The following BRI3 variants were observed in gnomAD, a reference collection of about 807,000 sequenced individuals.
The protein encoded by BRI3 is membrane protein BRI3.
In BRI3, 6 loss-of-function variants were observed where a neutral mutation model predicts 12.8. The observed-to-expected ratio is 0.47, with a 90% confidence interval of 0.26 to 0.93. The LOEUF (loss-of-function observed/expected upper bound fraction) is 0.93, where lower values mean the gene tolerates loss of function less well. BRI3 is among the 40% of genes least tolerant of loss of function. The pLI, the probability that BRI3 is intolerant of heterozygous loss-of-function variation, is 0.15. For synonymous variants in BRI3, 91 were observed against 76.1 expected, an observed-to-expected ratio of 1.20 and a Z score of -1.02; for missense variants, 134 against 171.1, an observed-to-expected ratio of 0.78 and a Z score of 1.21.
chr7:98,307,376 G>T, intron 1 of BRI3: 1 of 1,177,632 alleles, frequency 8.5e-7, no homozygotes, highest in Non-Finnish European at 1.1e-6. Flanking sequence ...AAAGTGCTGG[G>T]ATTACAAGCA....
chr7:98,298,779 T>C (rs1388038253), intron 1 of BRI3, among the ~76,000 whole-genome samples: 1 of 152,112 alleles, frequency 6.6e-6, no homozygotes, highest in East Asian at 1.9e-4. Context: ...CTGAGACACA[T>C]AATTCCAGGA....
chr7:98,308,091 C>A lies in BRI3; in HGVS notation n.721C>A, dbSNP rs763343561. On this transcript the variant is annotated non_coding_transcript_exon_variant, in exon 2 of 2. Coordinates refer to the BRI3 transcript ENST00000485422. ...AGGGACTGTTGAGAAACAGAGGCAG[C>A]GTGCAGCCTGAAGGCATGCACCGTG... 7.2e-6 allele frequency: 5 copies of A among 697,448 alleles called. No homozygotes were observed. The African/African-American group carries it at 8.8e-5, about 12-fold the overall frequency. 43.2% of individuals were successfully genotyped at this position (697,448 alleles called of 1,614,324 possible).
chr7:98,313,982 CTTTTTT>C (rs35599338), downstream of BRI3, among the ~76,000 whole-genome samples: 21 of 100,940 alleles, frequency 2.1e-4, no homozygotes, highest in Non-Finnish European at 3.7e-4. Flanking sequence ...CTTTTTCTTC[CTTTTTT>C]TTTTTTTTTT....
downstream of BRI3, among the ~76,000 whole-genome samples, chr7:98,294,957 T>A (rs549710698): frequency 9.5e-4 from 145 of 152,208 alleles, no homozygotes; most frequent in African/African-American, 3.1e-3. Flanking sequence ...GGTTTAACAC[T>A]CTTTCCTGCC....
exon 2 of BRI3, chr7:98,308,341 T>C (rs768018807): frequency 1.3e-5 from 6 of 455,342 alleles, no homozygotes; most frequent in Non-Finnish European, 2.2e-5. Flanking sequence ...GGAAATGCAG[T>C]TGGTCTTGCC....
downstream of BRI3, chr7:98,292,822 G>T (rs1035924840): frequency 2.7e-6 from 4 of 1,484,518 alleles, no homozygotes; most frequent in Admixed American, 5.0e-5. Context: ...TGGATGGGCC[G>T]TGTGCAGCGA....
At chr7:98,301,224 C>T (rs990391294) in intron 1 of BRI3, among the ~76,000 whole-genome samples, 6 of 152,200 alleles carry the variant, frequency 3.9e-5, no homozygotes, top group African/African-American at 4.8e-5. Flanking sequence ...CAGTGATAAA[C>T]ATGACCTCCC....
chr7:98,285,291 G>GT (rs1403163420), intron 2 of BRI3, among the ~76,000 whole-genome samples: 3 of 152,182 alleles, frequency 2.0e-5, no homozygotes, highest in Admixed American at 6.5e-5. Flanking sequence ...AGGGCACGGG[G>GT]TGGTGACTGT....
At chr7:98,302,993 C>T (rs1263449333), upstream of BRI3, among the ~76,000 whole-genome samples, 1 of 152,126 alleles carries the variant, frequency 6.6e-6, no homozygotes, top group African/African-American at 2.4e-5. Context: ...GCTATGTTGC[C>T]AGTTTGGTCT....
chr7:98,288,452 T>C (rs1799785022), intron 2 of BRI3, among the ~76,000 whole-genome samples: 1 of 152,008 alleles, frequency 6.6e-6, no homozygotes, highest in Non-Finnish European at 1.5e-5. Context: ...ACAAGTGTGG[T>C]GGCCTGACGA....
At chr7:98,288,115 G>A (rs1190187545) in intron 2 of BRI3, among the ~76,000 whole-genome samples, 1 of 152,182 alleles carries the variant, frequency 6.6e-6, no homozygotes, top group Non-Finnish European at 1.5e-5. Flanking sequence ...TTTTTCATGG[G>A]ACATTTTCTA....
chr7:98,306,336 G>T, upstream of BRI3: 1 of 1,385,332 alleles, frequency 7.2e-7, no homozygotes, highest in Non-Finnish European at 1.0e-6. Context: ...CGAGAGCTGA[G>T]GCTTAGGGCA....
chr7:98,304,256 A>G (rs1800544478), upstream of BRI3: 5 of 1,613,762 alleles, frequency 3.1e-6, no homozygotes, highest in East Asian at 1.1e-4. Flanking sequence ...TCCTGGCCGA[A>G]TCTGCTCTCC....
At chr7:98,304,768 T>A (rs1274624742), upstream of BRI3, among the ~76,000 whole-genome samples, 2 of 151,998 alleles carry the variant, frequency 1.3e-5, no homozygotes, top group African/African-American at 4.8e-5. Context: ...AGGCTGGTCT[T>A]GAACTCCTGA....
upstream of BRI3, among the ~76,000 whole-genome samples, chr7:98,305,047 GTTTTTTTTT>G (rs59633894): frequency 2.0e-5 from 2 of 100,380 alleles, no homozygotes; most frequent in South Asian, 4.2e-4. Flanking sequence ...TTTGTTTTTT[GTTTTTTTTT>G]TTTTTTTTTT....
chr7:98,292,873 G>A (rs188329372), downstream of BRI3: 1,306 of 1,445,414 alleles, frequency 9.0e-4, 2 homozygotes, highest in Non-Finnish European at 1.0e-3. Context: ...AGGAGCTCTC[G>A]GAGGAGATTT....
downstream of BRI3, chr7:98,292,613 A>G (rs1800014874): frequency 6.4e-7 from 1 of 1,550,734 alleles, no homozygotes. Context: ...CATGGCTGCT[A>G]GGCTGAAAAA....
upstream of BRI3, among the ~76,000 whole-genome samples, chr7:98,306,093 G>A (rs369596992): frequency 2.3e-3 from 355 of 152,254 alleles, 2 homozygotes; most frequent in African/African-American, 7.8e-3. Context: ...ATACAACAGC[G>A]TTAAGGGCTG....
At chr7:98,293,621 C>T (rs200914514), downstream of BRI3, 21 of 1,601,258 alleles carry the variant, frequency 1.3e-5, no homozygotes, top group Non-Finnish European at 1.8e-5. Context: ...AAAAATCTTT[C>T]AGAACTTCTG....
Sources: gnomAD v4.1 joint callset for allele counts (sites outside exome capture counted in the v4.1 genomes callset) on GRCh38, gnomAD v4.1.1 for gene constraint, MANE v1.5 for transcripts, NCBI Gene and HGNC (gene_info 2026-07-23, HGNC 2026-07-21) for gene names.